The following DPP10 variants were observed in gnomAD, a reference collection of about 807,000 sequenced individuals.
DPP10 encodes inactive dipeptidyl peptidase 10.
Under a neutral mutation model 120.9 loss-of-function variants are expected in DPP10, and 33 were observed. The ratio of observed to expected loss-of-function variants is 0.27; its 90% CI spans 0.21 to 0.37. The LOEUF is 0.37. Ranked by LOEUF, DPP10 falls within the 10% of genes least tolerant of loss-of-function variation. The pLI, the probability that DPP10 is intolerant of heterozygous loss-of-function variation, is 1.00. For missense variants in DPP10, 816 were observed against 942.8 expected, an observed-to-expected ratio of 0.87 and a Z score of 1.76; for synonymous variants, 337 against 326.1, an observed-to-expected ratio of 1.03 and a Z score of -0.36.
intron 3 of DPP10, chr2:115,468,381 C>A: frequency 6.0e-6 from 3 of 502,140 alleles, no homozygotes; most frequent in South Asian, 2.9e-5. Context: ...GTTCACTAAC[C>A]AGATCCTGGC....
At chr2:115,452,818 G>A (rs899435266) in intron 3 of DPP10, among the ~76,000 whole-genome samples, 2 of 151,766 alleles carry the variant, frequency 1.3e-5, no homozygotes, top group African/African-American at 4.8e-5. Flanking sequence ...TAAGTATTGT[G>A]TTTCAGATGA....
At chr2:115,372,958 T>G (rs1370401856) in intron 3 of DPP10, among the ~76,000 whole-genome samples, 1 of 151,096 alleles carries the variant, frequency 6.6e-6, no homozygotes, top group African/African-American at 2.4e-5. Flanking sequence ...GAAAACATAG[T>G]CAGTTGTTGA....
intron 1 of DPP10, among the ~76,000 whole-genome samples, chr2:115,165,841 C>T (rs1242840089): frequency 6.6e-6 from 1 of 152,094 alleles, no homozygotes; most frequent in African/African-American, 2.4e-5. Context: ...AAAACCATCC[C>T]ACTTTTTAGA....
At chr2:115,763,721 G>A (rs1039717205) in intron 12 of DPP10, among the ~76,000 whole-genome samples, 3 of 152,084 alleles carry the variant, frequency 2.0e-5, no homozygotes, top group Admixed American at 1.3e-4. Flanking sequence ...TTTAAAATAT[G>A]CATTTAATTG....
chr2:115,584,297 C>T (rs766941058), intron 5 of DPP10, among the ~76,000 whole-genome samples: 1 of 152,162 alleles, frequency 6.6e-6, no homozygotes, highest in Non-Finnish European at 1.5e-5. Context: ...CCATTATCTA[C>T]AGCAGAGGTG....
chr2:115,021,340 C>T (rs1416639853), intron 1 of DPP10, among the ~76,000 whole-genome samples: 1 of 151,998 alleles, frequency 6.6e-6, no homozygotes, highest in Non-Finnish European at 1.5e-5. Flanking sequence ...GGAGATATTA[C>T]AACTGATACA....
At chr2:115,697,757 G>A (rs890471849) in intron 7 of DPP10, among the ~76,000 whole-genome samples, 10 of 152,016 alleles carry the variant, frequency 6.6e-5, no homozygotes, top group Non-Finnish European at 1.3e-4. Context: ...AGGCTGAGGC[G>A]GGCGGATCAC....
chr2:115,293,160 G>A (rs1000210367), intron 1 of DPP10, among the ~76,000 whole-genome samples: 2 of 152,106 alleles, frequency 1.3e-5, no homozygotes, highest in Non-Finnish European at 2.9e-5. Context: ...AAGAAAAATG[G>A]CCTTGCAGCT....
intron 1 of DPP10, among the ~76,000 whole-genome samples, chr2:114,988,636 G>A (rs568962835): frequency 1.7e-4 from 26 of 151,928 alleles, no homozygotes; most frequent in African/African-American, 5.1e-4. Context: ...TCTATCGTTC[G>A]TCAACAATTT....
At chr2:114,501,894 G>A (rs1329286726) in intron 1 of DPP10, among the ~76,000 whole-genome samples, 1 of 150,868 alleles carries the variant, frequency 6.6e-6, no homozygotes, top group African/African-American at 2.4e-5. Context: ...ATTAAAGTGA[G>A]GATACGATTT....
At chr2:114,548,707 CTT>C (rs1687624640) in intron 1 of DPP10, among the ~76,000 whole-genome samples, 1 of 152,166 alleles carries the variant, frequency 6.6e-6, no homozygotes, top group Non-Finnish European at 1.5e-5. Context: ...ACTGTGAAGT[CTT>C]TTAGCGCCGG....
intron 1 of DPP10, among the ~76,000 whole-genome samples, chr2:114,669,573 C>A (rs916602234): frequency 2.0e-5 from 3 of 152,014 alleles, no homozygotes; most frequent in Non-Finnish European, 2.9e-5. Flanking sequence ...TAAGGAATAG[C>A]AATTTTCATG....
At chr2:114,574,622 C>A (rs1342467058) in intron 1 of DPP10, among the ~76,000 whole-genome samples, 8 of 152,176 alleles carry the variant, frequency 5.3e-5, no homozygotes, top group Non-Finnish European at 1.2e-4. Context: ...TTAAAGATTT[C>A]TCAAAGTGAA....
intron 1 of DPP10, among the ~76,000 whole-genome samples, chr2:114,864,697 A>G (rs1003633616): frequency 7.9e-5 from 12 of 152,198 alleles, no homozygotes; most frequent in African/African-American, 1.9e-4. Flanking sequence ...GCTTGAACCT[A>G]CAAACAGATT....
intron 1 of DPP10, among the ~76,000 whole-genome samples, chr2:115,293,767 G>C (rs1013151605): frequency 6.6e-6 from 1 of 151,940 alleles, no homozygotes; most frequent in Non-Finnish European, 1.5e-5. Flanking sequence ...AGTTATGTTA[G>C]AGTCATAAAC....
At position 115,485,349 on chromosome 2, in the gene DPP10, C is replaced by T. The variant is rs2075709496; in HGVS notation, c.272-14161C>T. On this transcript the variant is annotated intron_variant, in intron 3 of 25. Coordinates refer to ENST00000410059, the MANE Select transcript of DPP10 (RefSeq NM_020868.6). Reference sequence around the variant, plus strand: ...TTGCCCAAAGTTATTGCCTCATTTCCACTTGCTATTACCTTAGAACTAACT... The same window carrying T: ...TTGCCCAAAGTTATTGCCTCATTTCTACTTGCTATTACCTTAGAACTAACT... Among the ~76,000 whole-genome samples the T allele has an allele frequency of 2.6e-5, 4 of 151,790 alleles. No individual in the cohort carries two copies. In the South Asian group the frequency reaches 6.2e-4, roughly 24 times the overall value.
chr2:115,441,016 G>T (rs72959740), intron 3 of DPP10: 2 of 151,952 alleles, frequency 1.3e-5, no homozygotes, highest in Non-Finnish European at 2.9e-5. Context: ...GAGTTTTTCC[G>T]GCTTTCCCAG....
intron 1 of DPP10, among the ~76,000 whole-genome samples, chr2:114,622,279 T>C: frequency 6.6e-6 from 1 of 152,090 alleles, no homozygotes; most frequent in East Asian, 1.9e-4. Context: ...TATCTTTTTA[T>C]AGTTTATAGA....
intron 1 of DPP10, among the ~76,000 whole-genome samples, chr2:114,996,880 T>G (rs755943366): frequency 8.7e-5 from 13 of 149,620 alleles, no homozygotes; most frequent in South Asian, 4.2e-4. Flanking sequence ...TACTCGGGAG[T>G]CTGAGGCAGG....
Sources: allele counts gnomAD v4.1 joint callset (sites outside exome capture counted in the v4.1 genomes callset), GRCh38; gene constraint gnomAD v4.1.1; transcripts MANE v1.5; gene names NCBI Gene and HGNC (gene_info 2026-07-23, HGNC 2026-07-21).